The following RBFOX1 variants were observed in gnomAD, a reference collection of about 807,000 sequenced individuals.
The protein encoded by RBFOX1 is RNA binding protein fox-1 homolog 1.
Under a neutral mutation model 57.7 loss-of-function variants are expected in RBFOX1, and 8 were observed. That is an observed-to-expected ratio of 0.14 (90% CI 0.08 to 0.25). RBFOX1 has a LOEUF of 0.25. Ranked by LOEUF, RBFOX1 falls within the 10% of genes least tolerant of loss-of-function variation. The pLI, the probability that RBFOX1 is intolerant of heterozygous loss-of-function variation, is 1.00. For missense variants in RBFOX1, 611 were observed against 548.5 expected, an observed-to-expected ratio of 1.11 and a Z score of -1.14; for synonymous variants, 326 against 222.4, an observed-to-expected ratio of 1.47 and a Z score of -4.15.
chr16:5,902,929 C>G (rs1470580252), intron 4 of RBFOX1, among the ~76,000 whole-genome samples: 2 of 152,164 alleles, frequency 1.3e-5, no homozygotes, highest in Admixed American at 1.3e-4. Flanking sequence ...TGACCATGTG[C>G]TAACCTTGCC....
At chr16:7,456,364 C>G (rs1598861973) in intron 4 of RBFOX1, among the ~76,000 whole-genome samples, 1 of 152,090 alleles carries the variant, frequency 6.6e-6, no homozygotes, top group East Asian at 1.9e-4. Flanking sequence ...GTATAGTCAC[C>G]CAAGTACATC....
intron 3 of RBFOX1, among the ~76,000 whole-genome samples, chr16:6,935,774 G>A (rs982810425): frequency 1.3e-5 from 2 of 152,138 alleles, no homozygotes; most frequent in African/African-American, 4.8e-5. Flanking sequence ...TTGTAGAGGC[G>A]AGGTGGACTG....
intron 4 of RBFOX1, among the ~76,000 whole-genome samples, chr16:7,357,354 G>A (rs75630316): frequency 0.029 from 4,369 of 152,136 alleles, 132 homozygotes; most frequent in African/African-American, 0.078. Context: ...AACTGATGAT[G>A]AAAACAAAAG....
intron 4 of RBFOX1, among the ~76,000 whole-genome samples, chr16:5,895,846 A>C (rs2058151635): frequency 6.6e-6 from 1 of 152,200 alleles, no homozygotes; most frequent in African/African-American, 2.4e-5. Flanking sequence ...AAAGCGATGT[A>C]ACTGTTTTGC....
chr16:6,469,422 C>G (rs1269213023), intron 2 of RBFOX1, among the ~76,000 whole-genome samples: 1 of 152,158 alleles, frequency 6.6e-6, no homozygotes, highest in Non-Finnish European at 1.5e-5. Context: ...TTCTCCAGGT[C>G]TGAGCTGGAT....
intron 2 of RBFOX1, among the ~76,000 whole-genome samples, chr16:6,599,656 C>T (rs1005572644): frequency 6.6e-6 from 1 of 152,162 alleles, no homozygotes; most frequent in African/African-American, 2.4e-5. Context: ...TACTATTCAG[C>T]AGCCATATGG....
intron 4 of RBFOX1, among the ~76,000 whole-genome samples, chr16:7,437,256 C>G (rs941612615): frequency 1.5e-4 from 20 of 133,978 alleles, no homozygotes; most frequent in Non-Finnish European, 3.5e-4. Flanking sequence ...CTTTGCCCCC[C>G]CCCCCTTTCT....
chr16:5,407,580 A>G (rs1028990762), intron 1 of RBFOX1, among the ~76,000 whole-genome samples: 2 of 151,518 alleles, frequency 1.3e-5, no homozygotes, highest in Admixed American at 1.3e-4. Context: ...TTTTTGTCTC[A>G]CTCTGTCACC....
chr16:7,138,349 G>A (rs995504430), intron 4 of RBFOX1, among the ~76,000 whole-genome samples: 1 of 152,166 alleles, frequency 6.6e-6, no homozygotes, highest in Admixed American at 6.5e-5. Context: ...GTGTTAAACG[G>A]ACTTCTGTAA....
At chr16:7,557,637 A>AAAG (rs1555599218) in intron 5 of RBFOX1, among the ~76,000 whole-genome samples, 1 of 103,410 alleles carries the variant, frequency 9.7e-6, no homozygotes, top group Non-Finnish European at 2.4e-5. Flanking sequence ...AAAAAAAAAA[A>AAAG]AAAAAGAAAA....
At chr16:6,958,045 C>T (rs559398084) in intron 3 of RBFOX1, among the ~76,000 whole-genome samples, 5 of 152,196 alleles carry the variant, frequency 3.3e-5, no homozygotes, top group Admixed American at 6.5e-5. Context: ...CATGGTTCAT[C>T]GAGGGGCCAT....
At chr16:6,648,622 G>A (rs1367275373) in intron 2 of RBFOX1, among the ~76,000 whole-genome samples, 1 of 152,060 alleles carries the variant, frequency 6.6e-6, no homozygotes, top group African/African-American at 2.4e-5. Flanking sequence ...AGCATGCATC[G>A]ACGGGCCCTC....
intron 4 of RBFOX1, among the ~76,000 whole-genome samples, chr16:7,117,338 C>G (rs541441030): frequency 6.6e-6 from 1 of 152,180 alleles, no homozygotes; most frequent in East Asian, 1.9e-4. Flanking sequence ...GGTAATGTGT[C>G]AACAACCCTA....
At chr16:6,691,705 C>T (rs2060234954) in intron 3 of RBFOX1, among the ~76,000 whole-genome samples, 1 of 152,162 alleles carries the variant, frequency 6.6e-6, no homozygotes, top group South Asian at 2.1e-4. Context: ...TCCTAATCCC[C>T]AGGAACCATG....
At chr16:7,488,358 C>G (rs916196020) in intron 4 of RBFOX1, among the ~76,000 whole-genome samples, 2 of 152,130 alleles carry the variant, frequency 1.3e-5, no homozygotes, top group Non-Finnish European at 2.9e-5. Flanking sequence ...GATAGATACA[C>G]ATTTAGATAT....
At chr16:5,827,402 GGA>G (rs202033001) in intron 3 of RBFOX1, among the ~76,000 whole-genome samples, 19 of 100,480 alleles carry the variant, frequency 1.9e-4, no homozygotes, top group African/African-American at 4.4e-4. Flanking sequence ...TCCATCTCAG[GGA>G]AAAAAAAAAA....
At chr16:5,931,753 C>G (rs1458086863) in intron 4 of RBFOX1, among the ~76,000 whole-genome samples, 1 of 152,142 alleles carries the variant, frequency 6.6e-6, no homozygotes, top group Non-Finnish European at 1.5e-5. Flanking sequence ...CCCTACCCGT[C>G]TCATGCATAT....
At chr16:6,535,551 G>T (rs932789165) in intron 2 of RBFOX1, among the ~76,000 whole-genome samples, 31 of 152,172 alleles carry the variant, frequency 2.0e-4, no homozygotes, top group African/African-American at 6.3e-4. Context: ...ATTCGTCAGT[G>T]TATCTTTAGC....
intron 3 of RBFOX1, among the ~76,000 whole-genome samples, chr16:5,641,164 C>T (rs940542580): frequency 4.6e-5 from 7 of 151,784 alleles, no homozygotes; most frequent in African/African-American, 7.3e-5. Flanking sequence ...TGCATGTACA[C>T]ACATGCACAC....
Sources: allele counts gnomAD v4.1 joint callset (sites outside exome capture counted in the v4.1 genomes callset), GRCh38; gene constraint gnomAD v4.1.1; transcripts MANE v1.5; gene names NCBI Gene and HGNC (gene_info 2026-07-23, HGNC 2026-07-21).